The following PCDH11X variants were observed in gnomAD, a reference collection of about 807,000 sequenced individuals.
PCDH11X encodes the protein protocadherin 11 X-linked.
PCDH11X carries 18 observed loss-of-function variants against 53.3 expected under a neutral mutation model. That is an observed-to-expected ratio of 0.34 (90% CI 0.23 to 0.50). The LOEUF (loss-of-function observed/expected upper bound fraction) is 0.50, where lower values mean the gene tolerates loss of function less well. Among genes scored for constraint, PCDH11X ranks in the 20% least tolerant of loss-of-function variants. The probability of loss-of-function intolerance (pLI) is 0.98; values close to 1 mark genes in which losing one functional copy is unlikely to be tolerated. For synonymous variants in PCDH11X, 279 were observed against 393.3 expected, an observed-to-expected ratio of 0.71 and a Z score of 3.44; for missense variants, 570 against 1,032.4, an observed-to-expected ratio of 0.55 and a Z score of 6.14.
At chrX:91,880,935 G>T (rs1427120407) in intron 6 of PCDH11X, among the ~76,000 whole-genome samples, 1 of 109,895 alleles carries the variant, frequency 9.1e-6, no homozygotes. Context: ...AACACTACAT[G>T]ATTTGGGTAT....
intron 10 of PCDH11X, among the ~76,000 whole-genome samples, chrX:92,508,004 G>T (rs1438635175): frequency 9.2e-6 from 1 of 109,122 alleles, no homozygotes; most frequent in African/African-American, 3.3e-5. Flanking sequence ...TAGTAGAGAC[G>T]GGGTTTCACC....
At chrX:92,229,712 C>G (rs1342448051) in intron 7 of PCDH11X, among the ~76,000 whole-genome samples, 1 of 111,026 alleles carries the variant, frequency 9.0e-6, no homozygotes, top group Non-Finnish European at 1.9e-5. Context: ...AGGCCATTGA[C>G]AAGTCTAAAA....
At chrX:92,573,338 T>A (rs371203033) in intron 10 of PCDH11X, among the ~76,000 whole-genome samples, 2 of 111,813 alleles carry the variant, frequency 1.8e-5, no homozygotes, top group Non-Finnish European at 3.8e-5. Flanking sequence ...TGACCTGACA[T>A]TTATTGAACA....
At chrX:91,870,744 T>C (rs1939243889) in intron 5 of PCDH11X, among the ~76,000 whole-genome samples, 1 of 110,649 alleles carries the variant, frequency 9.0e-6, no homozygotes, top group South Asian at 3.8e-4. Flanking sequence ...AGTGTTTTCT[T>C]ACCCAAAGGG....
rs1046289397 is a variant in PCDH11X at position 92,498,018 on chromosome X, C to G, written c.3367+29696C>G. 3.6e-5 allele frequency among the ~76,000 whole-genome samples: 4 copies of G among 111,681 alleles called. No individual in the cohort carries two copies. The Admixed American group carries it at 3.8e-4, about 11-fold the overall frequency. On this transcript the variant is annotated intron_variant, in intron 10 of 10. Transcript: ENST00000682573. ...GAAAAGTCAAATACTTTTTGATGAACAGTTTATTAACTTTTTGCAATTATT... is the reference window on the plus strand; with the variant it reads ...GAAAAGTCAAATACTTTTTGATGAAGAGTTTATTAACTTTTTGCAATTATT...
At chrX:92,216,987 C>T (rs758050566) in intron 7 of PCDH11X, among the ~76,000 whole-genome samples, 9 of 110,351 alleles carry the variant, frequency 8.2e-5, no homozygotes, top group African/African-American at 3.0e-4. Context: ...AAATACTTTA[C>T]AGACAAGCAA....
At chrX:92,397,942 T>G (rs998576476) in intron 9 of PCDH11X, among the ~76,000 whole-genome samples, 3 of 111,366 alleles carry the variant, frequency 2.7e-5, no homozygotes, top group African/African-American at 9.8e-5. Context: ...ATTGAAAAAT[T>G]TCACACAAAT....
At chrX:92,017,130 G>T (rs921678720) in intron 6 of PCDH11X, among the ~76,000 whole-genome samples, 1 of 102,088 alleles carries the variant, frequency 9.8e-6, no homozygotes, top group Non-Finnish European at 2.0e-5. Flanking sequence ...ATATGAGCAA[G>T]GTTTGTGGAT....
chrX:91,920,592 C>T (rs913557695), intron 6 of PCDH11X, among the ~76,000 whole-genome samples: 5 of 111,201 alleles, frequency 4.5e-5, no homozygotes, highest in Non-Finnish European at 1.9e-5. Context: ...ACCTATCCCC[C>T]GCTCACCAAA....
intron 8 of PCDH11X, among the ~76,000 whole-genome samples, chrX:92,338,098 C>A (rs1362820077): frequency 9.0e-6 from 1 of 111,583 alleles, no homozygotes; most frequent in Non-Finnish European, 1.9e-5. Flanking sequence ...ACCCAATATT[C>A]ATAAAATAAG....
intron 6 of PCDH11X, among the ~76,000 whole-genome samples, chrX:92,023,591 G>T (rs2062924440): frequency 9.2e-6 from 1 of 108,274 alleles, no homozygotes; most frequent in African/African-American, 3.4e-5. Flanking sequence ...GAGTTACAAA[G>T]AGGAGCTGGT....
chrX:91,796,864 CAA>C (rs1935753024), intron 1 of PCDH11X, among the ~76,000 whole-genome samples: 1 of 111,509 alleles, frequency 9.0e-6, no homozygotes, highest in African/African-American at 3.3e-5. Flanking sequence ...CCTAAATGTA[CAA>C]AGACAGTAAA....
rs750310254 is a variant in PCDH11X, at chrX:92,489,107, T to C, written c.3367+20785T>C. On this transcript the variant is annotated intron_variant, in intron 10 of 10. Transcript: ENST00000682573. ...GTTTTGTATCCATTCTGATGACTTCTAGCCTGTAAACACAGGACCCGTGTT... is the reference window on the plus strand; with the variant it reads ...GTTTTGTATCCATTCTGATGACTTCCAGCCTGTAAACACAGGACCCGTGTT... Among the ~76,000 whole-genome samples, 30 of 105,631 alleles carry C rather than the reference T, an allele frequency of 2.8e-4. No homozygotes were observed. The Admixed American group carries it at 2.9e-3, about 10-fold the overall frequency. 91.7% of individuals were successfully genotyped at this position (105,631 alleles called of 115,157 possible). A position where few individuals can be genotyped will look rare whatever the true frequency, so the allele number is the denominator to read the frequency against.
intron 8 of PCDH11X, among the ~76,000 whole-genome samples, chrX:92,276,076 A>G (rs1156920694): frequency 1.8e-5 from 2 of 110,156 alleles, no homozygotes; most frequent in Non-Finnish European, 3.8e-5. Context: ...TAACTAAAAA[A>G]GAGTGCATAA....
chrX:92,226,123 T>C (rs1375170773), intron 7 of PCDH11X, among the ~76,000 whole-genome samples: 2 of 111,721 alleles, frequency 1.8e-5, no homozygotes, highest in African/African-American at 6.5e-5. Flanking sequence ...ATCCCTTTCC[T>C]CCTCATCGTA....
chrX:91,904,489 T>C (rs1941076060), intron 6 of PCDH11X, among the ~76,000 whole-genome samples: 1 of 111,258 alleles, frequency 9.0e-6, no homozygotes, highest in African/African-American at 3.3e-5. Flanking sequence ...ATTTAATTGT[T>C]GGTAATTGAT....
Position 91,871,417 on chromosome X carries a change from G to T in PCDH11X, c.541-5364G>T, listed in dbSNP as rs763901687. ...TTGAGTCTTTCCACCAGCATTCCTCGATCTAAAGAGTAAATGGCTTTTAAT... is the reference window on the plus strand; with the variant it reads ...TTGAGTCTTTCCACCAGCATTCCTCTATCTAAAGAGTAAATGGCTTTTAAT... On this transcript the variant is annotated intron_variant, in intron 5 of 10. Coordinates refer to ENST00000682573, the MANE Select transcript of PCDH11X (RefSeq NM_032968.5). Among the ~76,000 whole-genome samples, 741 of 104,159 alleles carry T rather than the reference G, an allele frequency of 7.1e-3. 27 individuals carry two copies. The highest frequency in any genetic ancestry group is 0.069 in the Admixed American group (657 of 9,542). The allele number at this position is 104,159 out of a possible 115,157, so 90.4% of individuals were successfully genotyped here.
At chrX:92,094,920 AAC>A (rs1415790709) in intron 6 of PCDH11X, among the ~76,000 whole-genome samples, 1 of 111,888 alleles carries the variant, frequency 8.9e-6, no homozygotes, top group Non-Finnish European at 1.9e-5. Context: ...TCACTCCACA[AAC>A]ACACATATTA....
chrX:91,879,754 C>T, intron 6 of PCDH11X: 1 of 764,288 alleles, frequency 1.3e-6, no homozygotes, highest in Admixed American at 7.5e-5. Context: ...AGTTATTCCC[C>T]CCATACTCTA....
Sources: gnomAD v4.1 joint callset for allele counts (sites outside exome capture counted in the v4.1 genomes callset) on GRCh38, gnomAD v4.1.1 for gene constraint, MANE v1.5 for transcripts, NCBI Gene and HGNC (gene_info 2026-07-23, HGNC 2026-07-21) for gene names.